Variants in ASH1L observed in about 807,000 individuals in gnomAD.
The protein encoded by ASH1L is histone-lysine N-methyltransferase ASH1L.
Under a neutral mutation model 269.0 loss-of-function variants are expected in ASH1L, and 23 were observed. The observed-to-expected ratio is 0.09, with a 90% confidence interval of 0.06 to 0.12. The LOEUF is 0.12. Among genes scored for constraint, ASH1L ranks in the 10% least tolerant of loss-of-function variants. The pLI, the probability that ASH1L is intolerant of heterozygous loss-of-function variation, is 1.00. For missense variants in ASH1L, 2,912 were observed against 3,567.8 expected (o/e 0.82, Z 4.68); for synonymous variants, 1,187 against 1,253.5 (o/e 0.95, Z 1.12).
chr1:155,528,535 C>G (rs1571073441), intron 1 of ASH1L, among the ~76,000 whole-genome samples: 1 of 151,728 alleles, frequency 6.6e-6, no homozygotes, highest in South Asian at 2.1e-4. Context: ...CAGTGGCAGG[C>G]TGAAGACCCA....
In ASH1L at chr1:155,463,864, T is replaced by C. The variant is rs146887882; in HGVS notation, c.4985-3966A>G. Among the ~76,000 whole-genome samples the C allele has an allele frequency of 2.1e-4, 32 of 152,200 alleles. No individual in the cohort carries two copies. In the East Asian group the frequency reaches 4.4e-3, roughly 21 times the overall value. ...CCAGTAGGGAGCTAGAACTAACCTATTAACATCAAGCATTTACCTTAAACA... is the reference window on the plus strand; with the variant it reads ...CCAGTAGGGAGCTAGAACTAACCTACTAACATCAAGCATTTACCTTAAACA... On this transcript the variant is annotated intron_variant, in intron 3 of 27. Coordinates refer to ENST00000392403, the MANE Select transcript of ASH1L (RefSeq NM_018489.3).
At chr1:155,548,211 C>T (rs1341652997) in intron 1 of ASH1L, among the ~76,000 whole-genome samples, 1 of 152,086 alleles carries the variant, frequency 6.6e-6, no homozygotes, top group Non-Finnish European at 1.5e-5. Context: ...GAGTAACTAA[C>T]GCATGTGGAG....
At chr1:155,546,537 G>A (rs1192278958) in intron 1 of ASH1L, among the ~76,000 whole-genome samples, 1 of 152,058 alleles carries the variant, frequency 6.6e-6, no homozygotes, top group Non-Finnish European at 1.5e-5. Context: ...GAGGCGGGCA[G>A]ATCACGAGGT....
intron 2 of ASH1L, among the ~76,000 whole-genome samples, chr1:155,515,482 T>C (rs1046431017): frequency 5.9e-5 from 9 of 152,118 alleles, no homozygotes; most frequent in Non-Finnish European, 7.4e-5. Context: ...TTGTAATGGT[T>C]CCTATTTTGA....
rs1194974449 is a variant in ASH1L at position 155,357,132 on chromosome 1, TTAAAAAAAAAAAA to T, written c.7055+171_7055+183del. ...ACACACACACACAAAAGGGTAAGACTTAAAAAAAAAAAAAAAAAAAAAAAAAAGATTGTATTTC... is the reference window on the plus strand; with the variant it reads ...ACACACACACACAAAAGGGTAAGACTAAAAAAAAAAAAAAGATTGTATTTC... On this transcript the variant is annotated intron_variant, in intron 15 of 27. Coordinates refer to ENST00000392403, the MANE Select transcript of ASH1L (RefSeq NM_018489.3). Among the ~76,000 whole-genome samples the T allele has an allele frequency of 7.5e-4, 5 of 6,648 alleles. No individual in the cohort carries two copies. The Admixed American group carries it at 0.015, about 20-fold the overall frequency. 4.4% of individuals were successfully genotyped at this position (6,648 alleles called of 152,430 possible). A position where few individuals can be genotyped will look rare whatever the true frequency, so the allele number is the denominator to read the frequency against.
At chr1:155,472,419 C>T (rs1665172740) in intron 3 of ASH1L, among the ~76,000 whole-genome samples, 1 of 152,196 alleles carries the variant, frequency 6.6e-6, no homozygotes. Flanking sequence ...ACCATTTTCA[C>T]CCCAACTTCT....
At chr1:155,529,490 T>C (rs1170624323) in intron 1 of ASH1L, among the ~76,000 whole-genome samples, 1 of 152,194 alleles carries the variant, frequency 6.6e-6, no homozygotes, top group Non-Finnish European at 1.5e-5. Context: ...GTATGTCTTC[T>C]TTTGAGAAGT....
chr1:155,354,642 G>T lies in ASH1L; in HGVS notation c.7056-12C>A, dbSNP rs775895084. 1 of 1,593,352 alleles carries T rather than the reference G, an allele frequency of 6.3e-7. No individual in the cohort carries two copies. The highest frequency in any genetic ancestry group is 8.5e-7 in the Non-Finnish European group (1 of 1,173,870). ...TTAACACAAAGTTCCTGCAAGGAAG[G>T]AAAAAAAATCTTCCTTTATTCATTA... On this transcript the variant is annotated splice_polypyrimidine_tract_variant and intron_variant, in intron 15 of 27. Transcript: ENST00000392403.
chr1:155,545,429 A>G (rs567436896), intron 1 of ASH1L, among the ~76,000 whole-genome samples: 1 of 151,768 alleles, frequency 6.6e-6, no homozygotes, highest in Admixed American at 6.6e-5. Context: ...TATTATATGA[A>G]GATTTCCTTC....
chr1:155,437,115 T>C (rs780074974), intron 5 of ASH1L, among the ~76,000 whole-genome samples: 6 of 152,176 alleles, frequency 3.9e-5, no homozygotes, highest in Non-Finnish European at 5.9e-5. Context: ...TTGGACTTCA[T>C]AGATATCAGA....
Position 155,438,706 on chromosome 1 carries a change from A to C in ASH1L, c.5449T>G (p.Leu1817Val). Residue 1817 changes from leucine (L) to valine (V), a missense_variant, in exon 5 of 28, where the codon TTG becomes GTG. Coordinates refer to ENST00000392403, the MANE Select transcript of ASH1L (RefSeq NM_018489.3). ...TGGTCTAGGTTTTTCTTTGTGGCCA[A>C]GATTTTGTCGTAATTGCACATTTTC... ...ARKMCNYDKI[L>V]ATKKNLDHVN... 1 of 1,614,022 alleles carries C rather than the reference A, an allele frequency of 6.2e-7. No individual in the cohort carries two copies. Among genetic ancestry groups the C allele is most frequent in the Non-Finnish European group, 8.5e-7 (1 of 1,180,008 alleles).
At chr1:155,531,279 G>A (rs770465065) in intron 1 of ASH1L, among the ~76,000 whole-genome samples, 6 of 150,342 alleles carry the variant, frequency 4.0e-5, no homozygotes, top group Non-Finnish European at 8.9e-5. Context: ...TACAATTTTT[G>A]TAATGAAAGA....
At chr1:155,537,554 A>C (rs1670140921) in intron 1 of ASH1L, among the ~76,000 whole-genome samples, 1 of 152,202 alleles carries the variant, frequency 6.6e-6, no homozygotes. Flanking sequence ...TCTCACTCCA[A>C]ATCTACTACA....
At chr1:155,483,848 C>T (rs925968721) in intron 2 of ASH1L, among the ~76,000 whole-genome samples, 1 of 151,610 alleles carries the variant, frequency 6.6e-6, no homozygotes, top group Non-Finnish European at 1.5e-5. Flanking sequence ...GAAGAGATAT[C>T]AATATAGTGC....
intron 1 of ASH1L, among the ~76,000 whole-genome samples, chr1:155,556,693 G>A (rs1016139951): frequency 5.9e-5 from 9 of 151,906 alleles, no homozygotes; most frequent in Admixed American, 5.3e-4. Context: ...TGCCCACCTC[G>A]GCCTCCCAAA....
At chr1:155,462,828 T>C (rs540366455) in intron 3 of ASH1L, among the ~76,000 whole-genome samples, 1 of 152,352 alleles carries the variant, frequency 6.6e-6, no homozygotes, top group South Asian at 2.1e-4. Flanking sequence ...AAGAATCAAG[T>C]TGTATCCTTG....
At chr1:155,409,117 T>G (rs1299032599) in intron 6 of ASH1L, among the ~76,000 whole-genome samples, 1 of 152,078 alleles carries the variant, frequency 6.6e-6, no homozygotes, top group African/African-American at 2.4e-5. Flanking sequence ...CTCTGCTTCC[T>G]GGGTTCAAGC....
chr1:155,359,907 A>G (rs1654789898), intron 13 of ASH1L, among the ~76,000 whole-genome samples: 1 of 150,016 alleles, frequency 6.7e-6, no homozygotes, highest in Non-Finnish European at 1.5e-5. Context: ...TTTTTGAGAC[A>G]GAGTCAGTCT....
chr1:155,447,487 C>T (rs1202809429), intron 4 of ASH1L, among the ~76,000 whole-genome samples: 1 of 152,110 alleles, frequency 6.6e-6, no homozygotes, highest in Non-Finnish European at 1.5e-5. Flanking sequence ...GCCTCAGGCT[C>T]CCAAAGTGAC....
Sources: allele counts gnomAD v4.1 joint callset (sites outside exome capture counted in the v4.1 genomes callset), GRCh38; gene constraint gnomAD v4.1.1; transcripts MANE v1.5; gene names NCBI Gene and HGNC (gene_info 2026-07-23, HGNC 2026-07-21).